Variants in SLC14A2 observed in about 807,000 individuals in gnomAD.
SLC14A2 encodes the protein solute carrier family 14 member 2.
A neutral mutation model predicts 104.6 loss-of-function variants in SLC14A2; 91 were observed. That is an observed-to-expected ratio of 0.87 (90% CI 0.73 to 1.04). The LOEUF (loss-of-function observed/expected upper bound fraction) is 1.04. Ranked by LOEUF, SLC14A2 falls within the 50% of genes least tolerant of loss-of-function variation. SLC14A2 has a pLI of 0.00. For synonymous variants in SLC14A2, 476 were observed against 466.4 expected, an observed-to-expected ratio of 1.02 and a Z score of -0.27; for missense variants, 1,189 against 1,156.0, an observed-to-expected ratio of 1.03 and a Z score of -0.41.
intron 2 of SLC14A2, among the ~76,000 whole-genome samples, chr18:45,560,698 C>A (rs2044189442): frequency 6.6e-6 from 1 of 152,168 alleles, no homozygotes. Flanking sequence ...CTAGAGTTAG[C>A]CTTGATCTTC....
intron 1 of SLC14A2, among the ~76,000 whole-genome samples, chr18:45,392,200 C>T (rs1436107240): frequency 6.6e-6 from 1 of 152,198 alleles, no homozygotes; most frequent in Non-Finnish European, 1.5e-5. Context: ...TACCCAAGGC[C>T]ACTGTGGCCC....
intron 10 of SLC14A2, among the ~76,000 whole-genome samples, chr18:45,663,255 C>A (rs896283552): frequency 2.6e-5 from 4 of 152,228 alleles, no homozygotes; most frequent in African/African-American, 7.2e-5. Context: ...ACCACAGGGA[C>A]CACACGTTGA....
chr18:45,517,809 C>T (rs1361685714), intron 2 of SLC14A2, among the ~76,000 whole-genome samples: 1 of 152,138 alleles, frequency 6.6e-6, no homozygotes, highest in African/African-American at 2.4e-5. Flanking sequence ...CTCTCTTTCC[C>T]TGGGAGAAAA....
chr18:45,608,991 A>G (rs2044922841), intron 2 of SLC14A2, among the ~76,000 whole-genome samples: 1 of 152,214 alleles, frequency 6.6e-6, no homozygotes, highest in Non-Finnish European at 1.5e-5. Flanking sequence ...ATGGAAAAGA[A>G]GAGCCCTAGT....
Position 45,632,334 on chromosome 18 carries a change from T to A in SLC14A2, c.522-16T>A. 1 of 1,608,738 alleles carries A rather than the reference T, an allele frequency of 6.2e-7. No homozygotes were observed. ...CCACCAACTTCAAATGCAAAATCAG[T>A]CTGTTTCACCGCCAGGTCTGCCATT... is the stretch of plus-strand genomic sequence containing the variant. On this transcript the variant is annotated splice_polypyrimidine_tract_variant and intron_variant, in intron 4 of 19. Transcript: ENST00000255226.
intron 1 of SLC14A2, among the ~76,000 whole-genome samples, chr18:45,375,612 C>G (rs35800101): frequency 0.017 from 2,638 of 152,306 alleles, 45 homozygotes; most frequent in Middle Eastern, 0.027. Flanking sequence ...ACGGCCGGCT[C>G]TGCATGAATT....
rs548283628 is a variant in SLC14A2, at chr18:45,582,232, C to T, written c.-34-42399C>T. Reference sequence around the variant, plus strand: ...CACATGGTCTAGGTAGACAAGCCTCCACCTCTAGCATTTAAGTAGTATAAT... The same window carrying T: ...CACATGGTCTAGGTAGACAAGCCTCTACCTCTAGCATTTAAGTAGTATAAT... On this transcript the variant is annotated intron_variant, in intron 2 of 20. Transcript: ENST00000586448. 2.0e-5 allele frequency among the ~76,000 whole-genome samples: 3 copies of T among 152,256 alleles called. No individual in the cohort carries two copies. In the South Asian group the frequency reaches 6.2e-4, roughly 32 times the overall value.
chr18:45,414,125 C>T (rs1022147206), intron 1 of SLC14A2, among the ~76,000 whole-genome samples: 1 of 152,160 alleles, frequency 6.6e-6, no homozygotes, highest in Non-Finnish European at 1.5e-5. Context: ...TTATTATTTA[C>T]TGCAAATGGA....
At chr18:45,529,151 A>T (rs2043642376) in intron 2 of SLC14A2, 1 of 152,272 alleles carries the variant, frequency 6.6e-6, no homozygotes, top group African/African-American at 2.4e-5. Flanking sequence ...GAATCATGAG[A>T]AAAACGTAGT....
chr18:45,381,607 A>G (rs2085836106), intron 1 of SLC14A2, among the ~76,000 whole-genome samples: 1 of 152,198 alleles, frequency 6.6e-6, no homozygotes, highest in Admixed American at 6.5e-5. Flanking sequence ...TTGTTGATCC[A>G]ATTATATGGA....
At chr18:45,615,857 G>A (rs1238594544) in intron 1 of SLC14A2, among the ~76,000 whole-genome samples, 2 of 151,772 alleles carry the variant, frequency 1.3e-5, no homozygotes, top group African/African-American at 4.9e-5. Context: ...GAGAGAGAGA[G>A]AGGGAGAGAG....
Position 45,529,317 on chromosome 18 carries a change from G to A in SLC14A2, c.-35+45995G>A, listed in dbSNP as rs575852742. 5.9e-5 allele frequency: 9 copies of A among 152,128 alleles called. No individual in the cohort carries two copies. The South Asian group carries it at 1.9e-3, about 32-fold the overall frequency. 9.4% of individuals were successfully genotyped at this position (152,128 alleles called of 1,614,324 possible). On this transcript the variant is annotated intron_variant, in intron 2 of 20. Coordinates refer to the SLC14A2 transcript ENST00000586448. Reference sequence around the variant, plus strand: ...CTCACTGTGGTCTACTTTCCAATTGGTTGTCTGGCCATATACTGACTGAGG... The same window carrying A: ...CTCACTGTGGTCTACTTTCCAATTGATTGTCTGGCCATATACTGACTGAGG...
At chr18:45,192,340 T>C in the SLC14A2 span, among the ~76,000 whole-genome samples, 1 of 152,238 alleles carries the variant, frequency 6.6e-6, no homozygotes, top group African/African-American at 2.4e-5. Context: ...TATATGGTTG[T>C]TACCACTTCT....
At chr18:45,664,494 C>G (rs777214597) in intron 11 of SLC14A2, among the ~76,000 whole-genome samples, 8 of 152,232 alleles carry the variant, frequency 5.3e-5, no homozygotes, top group Non-Finnish European at 1.2e-4. Context: ...CCTCAACCAG[C>G]TGCAAGGTTG....
At chr18:45,515,246 A>T (rs1257981284) in intron 2 of SLC14A2, among the ~76,000 whole-genome samples, 1 of 152,260 alleles carries the variant, frequency 6.6e-6, no homozygotes, top group Non-Finnish European at 1.5e-5. Context: ...TTATGGTTTT[A>T]AAGTAACTGC....
chr18:45,386,210 T>C (rs2144396837), intron 1 of SLC14A2, among the ~76,000 whole-genome samples: 1 of 152,136 alleles, frequency 6.6e-6, no homozygotes, highest in African/African-American at 2.4e-5. Context: ...CTAGCTGGAG[T>C]TGGTTCAAAA....
At chr18:45,369,485 G>T (rs2085699893) in intron 1 of SLC14A2, among the ~76,000 whole-genome samples, 1 of 152,144 alleles carries the variant, frequency 6.6e-6, no homozygotes, top group Non-Finnish European at 1.5e-5. Context: ...AAATCCCAGG[G>T]ACCAAAGATG....
At chr18:45,627,238 C>G in intron 4 of SLC14A2, 91 bp downstream of exon 4, 1 of 1,200,504 alleles carries the variant, frequency 8.3e-7, no homozygotes, top group South Asian at 1.4e-5. Context: ...CTTACCCTCC[C>G]AGCCAGCCAA....
intron 2 of SLC14A2, among the ~76,000 whole-genome samples, chr18:45,570,455 G>C (rs200434803): frequency 6.6e-6 from 1 of 152,222 alleles, no homozygotes; most frequent in East Asian, 1.9e-4. Context: ...ATCTGAGAGT[G>C]AGAAGAGAAT....
Sources: gnomAD v4.1 joint callset for allele counts (sites outside exome capture counted in the v4.1 genomes callset) on GRCh38, gnomAD v4.1.1 for gene constraint, MANE v1.5 for transcripts, NCBI Gene and HGNC (gene_info 2026-07-23, HGNC 2026-07-21) for gene names.